ADGRL3: variants seen among roughly 807,000 people sequenced by gnomAD.
ADGRL3 encodes adhesion G protein-coupled receptor L3, also known as calcium-independent alpha-latrotoxin receptor 3.
ADGRL3 carries 62 observed loss-of-function variants against 153.5 expected under a neutral mutation model. The observed-to-expected ratio is 0.40, with a 90% CI of 0.33 to 0.50. The LOEUF (loss-of-function observed/expected upper bound fraction) is 0.50. ADGRL3 is among the 20% of genes least tolerant of loss of function. The pLI, the probability that ADGRL3 is intolerant of heterozygous loss-of-function variation, is 0.47. For synonymous variants in ADGRL3, 710 were observed against 672.5 expected, an observed-to-expected ratio of 1.06 and a Z score of -0.86; for missense variants, 1,641 against 1,859.4, an observed-to-expected ratio of 0.88 and a Z score of 2.16.
chr4:61,628,191 T>G (rs1358743417), intron 5 of ADGRL3, among the ~76,000 whole-genome samples: 2 of 152,128 alleles, frequency 1.3e-5, no homozygotes, highest in African/African-American at 2.4e-5. Context: ...CCTATTACAT[T>G]GTGGAAAAAA....
intron 2 of ADGRL3, among the ~76,000 whole-genome samples, chr4:61,400,147 TTAAA>T (rs1420620363): frequency 6.6e-6 from 1 of 151,754 alleles, no homozygotes; most frequent in East Asian, 1.9e-4. Context: ...TAAACTGCAG[TTAAA>T]TAAAAAGATT....
In ADGRL3 at chr4:61,296,962, C is replaced by A. The variant is rs73822601; in HGVS notation, c.-239-86162C>A. 6.3e-3 allele frequency among the ~76,000 whole-genome samples: 952 copies of A among 152,144 alleles called. 6 individuals are homozygous for A. The highest frequency in any genetic ancestry group is 0.022 in the African/African-American group (915 of 41,520). On this transcript the variant is annotated intron_variant, in intron 1 of 26. Transcript: ENST00000683033. ...ACATCATATTGATACTATTTGAAAA[C>A]GGTCACTATTTCAAAAGAGAAAGAT... is the stretch of plus-strand genomic sequence containing the variant.
intron 9 of ADGRL3, among the ~76,000 whole-genome samples, chr4:61,871,418 T>C (rs1181335960): frequency 6.6e-6 from 1 of 152,324 alleles, no homozygotes; most frequent in East Asian, 1.9e-4. Context: ...TACTGATTCA[T>C]GGAATCTCAT....
At chr4:61,369,009 C>A (rs2096465315) in intron 1 of ADGRL3, among the ~76,000 whole-genome samples, 1 of 152,102 alleles carries the variant, frequency 6.6e-6, no homozygotes, top group Non-Finnish European at 1.5e-5. Flanking sequence ...TGGGAGTTCA[C>A]TCATTATTTG....
chr4:61,968,006 G>A (rs923581781), intron 17 of ADGRL3, among the ~76,000 whole-genome samples: 1 of 152,180 alleles, frequency 6.6e-6, no homozygotes, highest in Non-Finnish European at 1.5e-5. Context: ...AGGAAGAGAA[G>A]GCCGAACTTG....
chr4:61,844,305 T>C (rs1398929734), intron 9 of ADGRL3, among the ~76,000 whole-genome samples: 1 of 151,254 alleles, frequency 6.6e-6, no homozygotes, highest in Non-Finnish European at 1.5e-5. Flanking sequence ...CCCAGCACTT[T>C]GGGAGGCTGA....
At chr4:61,690,947 T>C (rs1197437197) in intron 6 of ADGRL3, among the ~76,000 whole-genome samples, 1 of 152,194 alleles carries the variant, frequency 6.6e-6, no homozygotes, top group Admixed American at 6.5e-5. Context: ...CTCCTTCCAC[T>C]TTATTAGGCA....
intron 5 of ADGRL3, among the ~76,000 whole-genome samples, chr4:61,632,252 T>C (rs769135537): frequency 1.3e-5 from 2 of 152,216 alleles, no homozygotes; most frequent in African/African-American, 2.4e-5. Context: ...CTGGAAATTT[T>C]TAAGGTTGCA....
At chr4:61,736,283 T>C (rs1181821096) in intron 8 of ADGRL3, among the ~76,000 whole-genome samples, 1 of 152,170 alleles carries the variant, frequency 6.6e-6, no homozygotes, top group African/African-American at 2.4e-5. Flanking sequence ...TTTAAAAATG[T>C]ATTTGCTTGT....
intron 4 of ADGRL3, among the ~76,000 whole-genome samples, chr4:61,536,217 T>C (rs573307194): frequency 6.6e-6 from 1 of 152,264 alleles, no homozygotes; most frequent in African/African-American, 2.4e-5. Flanking sequence ...AACTGGTTTC[T>C]AATGTTATTC....
intron 1 of ADGRL3, among the ~76,000 whole-genome samples, chr4:61,373,917 G>A (rs907308068): frequency 2.0e-5 from 3 of 151,970 alleles, no homozygotes; most frequent in Non-Finnish European, 2.9e-5. Context: ...TTCTTTTTAT[G>A]TCTATAACAT....
intron 1 of ADGRL3, among the ~76,000 whole-genome samples, chr4:61,209,410 AC>A (rs1240746308): frequency 1.3e-5 from 2 of 152,202 alleles, no homozygotes; most frequent in African/African-American, 4.8e-5. Flanking sequence ...TGGAGTGAAT[AC>A]TTCATGCATA....
chr4:61,954,184 C>G (rs1386958293), intron 17 of ADGRL3, among the ~76,000 whole-genome samples: 1 of 152,054 alleles, frequency 6.6e-6, no homozygotes, highest in Non-Finnish European at 1.5e-5. Flanking sequence ...TAGTAAAAGG[C>G]TACTCTGTTC....
chr4:61,936,424 A>G (rs1175690128), intron 15 of ADGRL3, among the ~76,000 whole-genome samples: 1 of 152,046 alleles, frequency 6.6e-6, no homozygotes, highest in African/African-American at 2.4e-5. Flanking sequence ...TTAAAAAAAT[A>G]TTTTTTGGTT....
intron 8 of ADGRL3, among the ~76,000 whole-genome samples, chr4:61,739,482 A>G (rs2096558560): frequency 6.6e-6 from 1 of 152,056 alleles, no homozygotes; most frequent in South Asian, 2.1e-4. Flanking sequence ...GGAGCCACTG[A>G]ACCCAGCCCA....
At chr4:61,930,655 T>G (rs1487964023) in intron 13 of ADGRL3, among the ~76,000 whole-genome samples, 1 of 152,128 alleles carries the variant, frequency 6.6e-6, no homozygotes, top group Admixed American at 6.6e-5. Context: ...GTCCTAATAA[T>G]GTCGCATTAA....
intron 2 of ADGRL3, among the ~76,000 whole-genome samples, chr4:61,447,434 A>AT (rs1354655896): frequency 6.6e-6 from 1 of 152,166 alleles, no homozygotes; most frequent in African/African-American, 2.4e-5. Flanking sequence ...TAAAACAAAC[A>AT]TTTTGGATTG....
chr4:61,987,062 G>A (rs548778278), intron 19 of ADGRL3, among the ~76,000 whole-genome samples: 11 of 151,792 alleles, frequency 7.2e-5, no homozygotes, highest in South Asian at 2.1e-4. Flanking sequence ...GTTTCCTATC[G>A]TCGAGACTCT....
intron 1 of ADGRL3, among the ~76,000 whole-genome samples, chr4:61,372,864 TG>T (rs2096553950): frequency 3.9e-5 from 6 of 152,170 alleles, no homozygotes; most frequent in Non-Finnish European, 4.4e-5. Flanking sequence ...CAGACTGCTG[TG>T]CTAGCAATCA....
Sources: allele counts gnomAD v4.1 joint callset (sites outside exome capture counted in the v4.1 genomes callset), GRCh38; gene constraint gnomAD v4.1.1; transcripts MANE v1.5; gene names NCBI Gene and HGNC (gene_info 2026-07-23, HGNC 2026-07-21).